PDE1C: variants seen among roughly 807,000 people sequenced by gnomAD.
PDE1C encodes dual specificity calcium/calmodulin-dependent 3',5'-cyclic nucleotide phosphodiesterase 1C.
In PDE1C, 62 loss-of-function variants were observed where a neutral mutation model predicts 93.1. That is an observed-to-expected ratio of 0.67 (90% confidence interval 0.54 to 0.82). PDE1C has a LOEUF of 0.82. Among genes scored for constraint, PDE1C ranks in the 40% least tolerant of loss-of-function variants. The pLI is 0.00. For synonymous variants in PDE1C, 325 were observed against 310.1 expected (o/e 1.05, Z -0.50); for missense variants, 742 against 884.6 (o/e 0.84, Z 2.04).
intron 1 of PDE1C, among the ~76,000 whole-genome samples, chr7:32,397,501 G>A (rs1443167370): frequency 2.0e-5 from 3 of 152,106 alleles, no homozygotes; most frequent in Non-Finnish European, 1.5e-5. Context: ...TCTTGTAGAG[G>A]AGAATTTGGC....
At chr7:31,656,499 C>A in the PDE1C span, 29 of 979,002 alleles carry the variant, frequency 3.0e-5, no homozygotes, top group Non-Finnish European at 3.3e-5. Context: ...TAAATGCTAA[C>A]TGTAATTACT....
intron 17 of PDE1C, 108 bp from the exon 18 acceptor site, chr7:31,753,661 C>T (rs890376878): frequency 3.6e-6 from 5 of 1,403,524 alleles, no homozygotes; most frequent in East Asian, 5.2e-5. Flanking sequence ...TCCTCCAAGA[C>T]CAGGAAAGAA....
intron 2 of PDE1C, among the ~76,000 whole-genome samples, chr7:31,935,522 G>T (rs1279946405): frequency 6.6e-6 from 1 of 152,066 alleles, no homozygotes; most frequent in Non-Finnish European, 1.5e-5. Flanking sequence ...TCAATGCGAA[G>T]GTCAGGGAGA....
chr7:32,336,470 T>G (rs1399224682), intron 1 of PDE1C, among the ~76,000 whole-genome samples: 9 of 152,182 alleles, frequency 5.9e-5, no homozygotes, highest in Admixed American at 2.0e-4. Flanking sequence ...CTGAAACTAG[T>G]GATTAGAAAC....
chr7:32,412,251 T>C (rs1334508955), intron 1 of PDE1C, among the ~76,000 whole-genome samples: 2 of 151,998 alleles, frequency 1.3e-5, no homozygotes, highest in African/African-American at 2.4e-5. Flanking sequence ...GGTCAGGAGT[T>C]CGAGACCAGC....
At chr7:31,961,208 T>C (rs56853248) in intron 2 of PDE1C, among the ~76,000 whole-genome samples, 5,950 of 151,832 alleles carry the variant, frequency 0.039, 409 homozygotes, top group African/African-American at 0.14. Context: ...ACAAAATGTA[T>C]CTACTATTAA....
intron 3 of PDE1C, among the ~76,000 whole-genome samples, chr7:32,124,403 C>T (rs1382348500): frequency 6.6e-6 from 1 of 152,038 alleles, no homozygotes; most frequent in African/African-American, 2.4e-5. Context: ...CAAGACAATC[C>T]TAAGGAAAAA....
At chr7:32,245,094 A>AC (rs1392215369) in intron 1 of PDE1C, among the ~76,000 whole-genome samples, 1 of 151,990 alleles carries the variant, frequency 6.6e-6, no homozygotes, top group African/African-American at 2.4e-5. Context: ...GGTCTTAGGG[A>AC]CCCCCAAAGC....
intron 1 of PDE1C, among the ~76,000 whole-genome samples, chr7:32,310,899 A>G (rs192889342): frequency 2.8e-4 from 42 of 152,176 alleles, no homozygotes; most frequent in African/African-American, 9.9e-4. Flanking sequence ...AAATAACTAA[A>G]ATTAGAGCAG....
In PDE1C at chr7:32,402,348, G is replaced by A. The variant is rs114103242; in HGVS notation, c.310+25474C>T. 3.8e-3 allele frequency among the ~76,000 whole-genome samples: 571 copies of A among 152,220 alleles called. 4 individuals carry two copies. Among genetic ancestry groups the A allele is most frequent in the African/African-American group, 0.013 (530 of 41,542 alleles). On this transcript the variant is annotated intron_variant, in intron 1 of 1. Coordinates refer to the PDE1C transcript ENST00000672256. ...AAACTGGAGGCCCAAGAAAGCCAGTGGGGTAGTTTTAGCCCAAGCCCGGAA... is the reference window on the plus strand; with the variant it reads ...AAACTGGAGGCCCAAGAAAGCCAGTAGGGTAGTTTTAGCCCAAGCCCGGAA...
intron 2 of PDE1C, among the ~76,000 whole-genome samples, chr7:32,186,087 GTTTTTTTTTTT>G (rs10561469): frequency 3.1e-5 from 4 of 128,570 alleles, no homozygotes; most frequent in African/African-American, 5.9e-5. Context: ...TTGTTTTTTT[GTTTTTTTTTTT>G]TTTTTTTTTT....
chr7:31,766,810 G>A (rs1162897860), intron 17 of PDE1C, among the ~76,000 whole-genome samples: 2 of 152,178 alleles, frequency 1.3e-5, no homozygotes, highest in South Asian at 2.1e-4. Flanking sequence ...ATTAATAGGA[G>A]AATGATTATA....
intron 2 of PDE1C, among the ~76,000 whole-genome samples, chr7:31,907,037 T>G (rs1427781304): frequency 6.6e-6 from 1 of 150,722 alleles, no homozygotes; most frequent in Admixed American, 6.7e-5. Flanking sequence ...AGAATAGGAC[T>G]TGAGAATGAG....
chr7:32,034,099 G>A (rs566463275), intron 2 of PDE1C, among the ~76,000 whole-genome samples: 2 of 139,834 alleles, frequency 1.4e-5, no homozygotes, highest in South Asian at 2.1e-4. Context: ...CACGCATAAT[G>A]TAAAGTGTAT....
chr7:31,932,854 G>T (rs546265010), intron 2 of PDE1C, among the ~76,000 whole-genome samples: 1 of 152,244 alleles, frequency 6.6e-6, no homozygotes, highest in Admixed American at 6.5e-5. Flanking sequence ...AGAAAATGTG[G>T]CACATATACA....
At chr7:31,642,309 C>A in the PDE1C span, 1 of 1,252,934 alleles carries the variant, frequency 8.0e-7, no homozygotes, top group Non-Finnish European at 1.1e-6. Flanking sequence ...CATCCCACTT[C>A]AGCCCTATCA....
intron 2 of PDE1C, among the ~76,000 whole-genome samples, chr7:32,184,423 G>A (rs1803694338): frequency 6.6e-6 from 1 of 152,106 alleles, no homozygotes; most frequent in Non-Finnish European, 1.5e-5. Flanking sequence ...ATGATAGACT[G>A]GATTAAGAAA....
chr7:31,743,198 T>C, the PDE1C span, among the ~76,000 whole-genome samples: 1 of 152,226 alleles, frequency 6.6e-6, no homozygotes. Context: ...GCTAAGTCTT[T>C]GTAAAAACTA....
At chr7:31,735,627 C>G in the PDE1C span, among the ~76,000 whole-genome samples, 1 of 152,140 alleles carries the variant, frequency 6.6e-6, no homozygotes, top group Admixed American at 6.5e-5. Context: ...ATAACAGCTG[C>G]TTCTGTCACC....
Sources: allele counts gnomAD v4.1 joint callset (sites outside exome capture counted in the v4.1 genomes callset), GRCh38; gene constraint gnomAD v4.1.1; transcripts MANE v1.5; gene names NCBI Gene and HGNC (gene_info 2026-07-23, HGNC 2026-07-21).